LRMDA: variants seen among roughly 807,000 people sequenced by gnomAD.
LRMDA encodes leucine-rich melanocyte differentiation-associated protein.
In LRMDA, 18 loss-of-function variants were observed where a neutral mutation model predicts 29.8. The ratio of observed to expected loss-of-function variants is 0.60; its 90% CI spans 0.42 to 0.90. The LOEUF is 0.90. Among genes scored for constraint, LRMDA ranks in the 40% least tolerant of loss-of-function variants. The pLI is 0.00. For synonymous variants in LRMDA, 125 were observed against 109.4 expected (o/e 1.14, Z -0.89); for missense variants, 273 against 273.9 (o/e 1.00, Z 0.02).
chr10:75,891,334 G>T (rs1589243086), intron 2 of LRMDA, among the ~76,000 whole-genome samples: 1 of 152,134 alleles, frequency 6.6e-6, no homozygotes, highest in African/African-American at 2.4e-5. Context: ...ATTTTCTAGG[G>T]GTTTGGTAGA....
At chr10:76,513,297 T>C (rs919461691) in intron 6 of LRMDA, among the ~76,000 whole-genome samples, 1 of 152,208 alleles carries the variant, frequency 6.6e-6, no homozygotes, top group Non-Finnish European at 1.5e-5. Context: ...CAAAAGCTAA[T>C]TGGCATCCTT....
intron 2 of LRMDA, among the ~76,000 whole-genome samples, chr10:75,467,527 C>T (rs542259042): frequency 6.6e-6 from 1 of 152,142 alleles, no homozygotes; most frequent in African/African-American, 2.4e-5. Flanking sequence ...CGTTTTACCT[C>T]TCTTCAAGAT....
intron 2 of LRMDA, among the ~76,000 whole-genome samples, chr10:75,564,940 G>T (rs3012059): frequency 0.084 from 12,816 of 152,194 alleles, 805 homozygotes; most frequent in East Asian, 0.3. Flanking sequence ...TTATTTTTGC[G>T]TATAAAATTT....
intron 5 of LRMDA, among the ~76,000 whole-genome samples, chr10:76,262,900 A>T (rs953276001): frequency 3.3e-5 from 5 of 152,162 alleles, no homozygotes; most frequent in African/African-American, 1.2e-4. Context: ...GTTACCAGCC[A>T]TTTGCCCTTT....
intron 6 of LRMDA, among the ~76,000 whole-genome samples, chr10:76,363,177 G>GAAAGAAAGAAAGAAAGAAAGAAA (rs1314060766): frequency 9.0e-5 from 1 of 11,080 alleles, no homozygotes; most frequent in East Asian, 5.7e-4. Flanking sequence ...AAGAAAGAAA[G>GAAAGAAAGAAAGAAAGAAAGAAA]GAGGGAGGGA....
chr10:75,913,688 T>C (rs190119909), intron 2 of LRMDA, among the ~76,000 whole-genome samples: 44 of 152,226 alleles, frequency 2.9e-4, no homozygotes, highest in Admixed American at 2.4e-3. Flanking sequence ...GAGGGAGCCT[T>C]GGGCTCACCT....
chr10:75,438,245 CA>C, intron 1 of LRMDA, 148 bp from the exon 2 acceptor site: 2 of 662,524 alleles, frequency 3.0e-6, no homozygotes, highest in Non-Finnish European at 2.7e-6. Context: ...CTGATTTGAT[CA>C]GGGAAACAGT....
Position 75,755,505 on chromosome 10 carries a change from A to C in LRMDA, c.132-280503A>C, listed in dbSNP as rs1404874050. On this transcript the variant is annotated intron_variant, in intron 2 of 6. Coordinates refer to ENST00000611255, the MANE Select transcript of LRMDA (RefSeq NM_001305581.2). ...CTAATGAGGAAAGAGACAAAGGTAT[A>C]AACAAGACAAGTATCAGATGGTGAT... 2.0e-5 allele frequency among the ~76,000 whole-genome samples: 3 copies of C among 152,248 alleles called. No homozygotes were observed. The East Asian group carries it at 5.8e-4, about 29-fold the overall frequency.
At chr10:76,351,393 G>A (rs1841174809) in intron 6 of LRMDA, among the ~76,000 whole-genome samples, 3 of 152,126 alleles carry the variant, frequency 2.0e-5, no homozygotes, top group Admixed American at 2.0e-4. Flanking sequence ...AGCTAACATG[G>A]AGACTGTGTA....
At chr10:75,871,378 C>T (rs1208854729) in intron 2 of LRMDA, among the ~76,000 whole-genome samples, 1 of 152,188 alleles carries the variant, frequency 6.6e-6, no homozygotes, top group Non-Finnish European at 1.5e-5. Context: ...TGCAATTGAG[C>T]CAGTGCCTCC....
chr10:75,607,830 T>G (rs1252183650), intron 2 of LRMDA, among the ~76,000 whole-genome samples: 1 of 147,876 alleles, frequency 6.8e-6, no homozygotes, highest in Non-Finnish European at 1.5e-5. Flanking sequence ...AGTGGTTTTT[T>G]TTTTTTTTTT....
intron 2 of LRMDA, among the ~76,000 whole-genome samples, chr10:75,650,761 G>A (rs1268704912): frequency 6.6e-6 from 1 of 152,188 alleles, no homozygotes; most frequent in Non-Finnish European, 1.5e-5. Context: ...TTTCTGGTGA[G>A]TGTGAGGGCC....
intron 6 of LRMDA, among the ~76,000 whole-genome samples, chr10:76,382,919 G>T (rs1841609995): frequency 6.6e-6 from 1 of 152,212 alleles, no homozygotes; most frequent in African/African-American, 2.4e-5. Flanking sequence ...AGAAGGAAGA[G>T]AAATACAGCC....
intron 2 of LRMDA, among the ~76,000 whole-genome samples, chr10:75,693,925 T>C (rs1034865057): frequency 6.6e-6 from 1 of 152,194 alleles, no homozygotes. Flanking sequence ...TCTAGCTGGT[T>C]TTTCCTTAAC....
Position 76,001,412 on chromosome 10 carries a change from C to G in LRMDA, c.132-34596C>G, listed in dbSNP as rs189141041. 1.2e-3 allele frequency among the ~76,000 whole-genome samples: 187 copies of G among 152,224 alleles called. 1 individual carries two copies. The highest frequency in any genetic ancestry group is 4.3e-3 in the African/African-American group (178 of 41,568). ...AAGATATTAAAATTAACCCCCATCT[C>G]ATATTAAACATGATTTATGAAGTTT... On this transcript the variant is annotated intron_variant, in intron 2 of 6. Coordinates refer to ENST00000611255, the MANE Select transcript of LRMDA (RefSeq NM_001305581.2).
At chr10:76,366,942 G>A (rs958663056) in intron 6 of LRMDA, among the ~76,000 whole-genome samples, 1 of 152,138 alleles carries the variant, frequency 6.6e-6, no homozygotes, top group African/African-American at 2.4e-5. Flanking sequence ...TGCCCATTTT[G>A]CTAAGAGTTT....
intron 2 of LRMDA, among the ~76,000 whole-genome samples, chr10:75,570,649 C>T (rs914331603): frequency 1.3e-4 from 20 of 152,300 alleles, no homozygotes; most frequent in Admixed American, 2.6e-4. Context: ...AACTCCTAGA[C>T]GAGCTTCAGA....
intron 6 of LRMDA, among the ~76,000 whole-genome samples, chr10:76,480,668 A>G (rs1425399282): frequency 1.3e-5 from 2 of 152,050 alleles, no homozygotes; most frequent in East Asian, 1.9e-4. Context: ...AAAACAACCA[A>G]TTTGATGGTT....
chr10:75,939,057 C>T (rs1408124834), intron 2 of LRMDA, among the ~76,000 whole-genome samples: 1 of 152,158 alleles, frequency 6.6e-6, no homozygotes, highest in Non-Finnish European at 1.5e-5. Context: ...GATGAATTAG[C>T]CATGATTAGG....
Sources: allele counts gnomAD v4.1 joint callset (sites outside exome capture counted in the v4.1 genomes callset), GRCh38; gene constraint gnomAD v4.1.1; transcripts MANE v1.5; gene names NCBI Gene and HGNC (gene_info 2026-07-23, HGNC 2026-07-21).